The following DOCK3 variants were observed in gnomAD, a reference collection of about 807,000 sequenced individuals.
DOCK3 encodes dedicator of cytokinesis 3.
Under a neutral mutation model 265.6 loss-of-function variants are expected in DOCK3, and 60 were observed. That is an observed-to-expected ratio of 0.23 (90% CI 0.18 to 0.28). DOCK3 has a LOEUF of 0.28. Among genes scored for constraint, DOCK3 ranks in the 10% least tolerant of loss-of-function variants. DOCK3 has a pLI of 1.00. For synonymous variants in DOCK3, 881 were observed against 938.0 expected (o/e 0.94, Z 1.11); for missense variants, 1,981 against 2,594.3 (o/e 0.76, Z 5.14).
At chr3:51,165,495 G>A (rs1395119400) in intron 12 of DOCK3, among the ~76,000 whole-genome samples, 5 of 152,126 alleles carry the variant, frequency 3.3e-5, no homozygotes, top group East Asian at 1.9e-4. Context: ...ACAATATAGC[G>A]TTATTAACTA....
At chr3:50,733,556 T>G (rs2038357996) in intron 1 of DOCK3, among the ~76,000 whole-genome samples, 1 of 152,202 alleles carries the variant, frequency 6.6e-6, no homozygotes, top group Admixed American at 6.5e-5. Context: ...TCTCTTTTGG[T>G]TTTCATTTGG....
chr3:51,232,068 C>T (rs149663770), intron 19 of DOCK3, among the ~76,000 whole-genome samples: 3 of 152,244 alleles, frequency 2.0e-5, no homozygotes, highest in Non-Finnish European at 4.4e-5. Flanking sequence ...CTTACCTCTA[C>T]CTTAACTGTT....
chr3:50,940,236 GAGCCCAGGAGTTTGAGATC>G (rs1331548081), intron 5 of DOCK3, among the ~76,000 whole-genome samples: 1 of 148,328 alleles, frequency 6.7e-6, no homozygotes, highest in Non-Finnish European at 1.5e-5. Flanking sequence ...AAGACTGCTT[GAGCCCAGGAGTTTGAGATC>G]AGCCTGGGCA....
intron 9 of DOCK3, among the ~76,000 whole-genome samples, chr3:51,128,075 A>G (rs1263543713): frequency 1.3e-5 from 2 of 152,166 alleles, no homozygotes; most frequent in African/African-American, 2.4e-5. Flanking sequence ...CCAGGTGGCA[A>G]TCTTAACTTC....
At chr3:50,697,548 G>A (rs955191382) in intron 1 of DOCK3, among the ~76,000 whole-genome samples, 4 of 152,248 alleles carry the variant, frequency 2.6e-5, no homozygotes, top group Admixed American at 6.5e-5. Context: ...CCGAGATCGT[G>A]CCACTGCACT....
At chr3:50,938,137 T>C (rs2051494350) in intron 5 of DOCK3, among the ~76,000 whole-genome samples, 1 of 152,026 alleles carries the variant, frequency 6.6e-6, no homozygotes, top group African/African-American at 2.4e-5. Flanking sequence ...AAATATTAAT[T>C]ATACTAATAT....
chr3:51,189,362 C>T (rs925744998), intron 12 of DOCK3, among the ~76,000 whole-genome samples: 9 of 151,978 alleles, frequency 5.9e-5, no homozygotes, highest in South Asian at 4.2e-4. Context: ...ACCCATCACC[C>T]GAGTAGTGTA....
chr3:51,294,677 C>CAAAAAA (rs59339067), intron 27 of DOCK3, among the ~76,000 whole-genome samples: 6 of 119,868 alleles, frequency 5.0e-5, no homozygotes, highest in African/African-American at 1.6e-4. Flanking sequence ...GACTCTATCT[C>CAAAAAA]AAAAAAAAAA....
intron 1 of DOCK3, among the ~76,000 whole-genome samples, chr3:50,753,930 T>C (rs1314249546): frequency 6.6e-6 from 1 of 151,972 alleles, no homozygotes; most frequent in Admixed American, 6.6e-5. Flanking sequence ...CCGAGGCAAG[T>C]GGGTCACCTG....
intron 27 of DOCK3, among the ~76,000 whole-genome samples, chr3:51,281,411 G>T (rs572558848): frequency 6.6e-6 from 1 of 151,414 alleles, no homozygotes; most frequent in Admixed American, 6.6e-5. Flanking sequence ...GCTTGTTGTC[G>T]AACTTATTGT....
At chr3:50,695,678 C>CCTCA (rs2035570280) in intron 1 of DOCK3, among the ~76,000 whole-genome samples, 1 of 152,292 alleles carries the variant, frequency 6.6e-6, no homozygotes, top group South Asian at 2.1e-4. Context: ...TTTCCACAAT[C>CCTCA]CTCAGCTGTT....
chr3:50,916,251 C>T (rs533361664), intron 4 of DOCK3, among the ~76,000 whole-genome samples: 3 of 151,950 alleles, frequency 2.0e-5, no homozygotes, highest in Non-Finnish European at 4.4e-5. Flanking sequence ...TTCCTGGGAT[C>T]CTTTAGCTTA....
intron 1 of DOCK3, among the ~76,000 whole-genome samples, chr3:50,708,100 T>TAGTGTGGGC (rs1244375756): frequency 6.6e-6 from 1 of 151,830 alleles, no homozygotes; most frequent in African/African-American, 2.4e-5. Context: ...TGGTGGTGGG[T>TAGTGTGGGC]AGTGTGGGCA....
intron 25 of DOCK3, chr3:51,276,274 C>A: frequency 1.4e-6 from 1 of 725,636 alleles, no homozygotes; most frequent in Non-Finnish European, 1.7e-6. Context: ...ATCTTGGCTC[C>A]AGGTAAGACT....
At chr3:50,935,781 T>C (rs759926230) in intron 5 of DOCK3, among the ~76,000 whole-genome samples, 65 of 152,264 alleles carry the variant, frequency 4.3e-4, no homozygotes, top group Non-Finnish European at 1.6e-4. Context: ...ACTGCAGAGA[T>C]TTTTGTAACT....
rs150797543 is a variant in DOCK3 at position 51,366,202 on chromosome 3, T to C, written c.5293+3528T>C. ...TCTATTGAGGGATTCAACTTCTTCC[T>C]GGTTTAGTCTTGGGAGGGTGTATGT... On this transcript the variant is annotated intron_variant, in intron 49 of 52. Transcript: ENST00000266037. Among the ~76,000 whole-genome samples the C allele has an allele frequency of 6.2e-3, 944 of 152,308 alleles. 11 individuals carry two copies. Among genetic ancestry groups the C allele is most frequent in the African/African-American group, 0.022 (906 of 41,564 alleles).
intron 22 of DOCK3, among the ~76,000 whole-genome samples, chr3:51,255,033 C>T (rs1004021908): frequency 2.0e-5 from 3 of 152,164 alleles, no homozygotes; most frequent in Non-Finnish European, 2.9e-5. Context: ...TTTAGTGCTT[C>T]CTTCAGGAGC....
intron 1 of DOCK3, among the ~76,000 whole-genome samples, chr3:50,769,843 G>T (rs1014931277): frequency 1.3e-5 from 2 of 149,332 alleles, no homozygotes; most frequent in Non-Finnish European, 3.0e-5. Context: ...GTTTTAGCCA[G>T]AGCAATTAGG....
At chr3:50,772,189 G>A (rs1278012808) in intron 1 of DOCK3, among the ~76,000 whole-genome samples, 4 of 151,112 alleles carry the variant, frequency 2.6e-5, no homozygotes, top group African/African-American at 2.4e-5. Flanking sequence ...AATAAACCAG[G>A]CACAGAAAAA....
Sources: allele counts gnomAD v4.1 joint callset (sites outside exome capture counted in the v4.1 genomes callset), GRCh38; gene constraint gnomAD v4.1.1; transcripts MANE v1.5; gene names NCBI Gene and HGNC (gene_info 2026-07-23, HGNC 2026-07-21).